The following MGLL variants were observed in gnomAD, a reference collection of about 807,000 sequenced individuals.
MGLL encodes lysophospholipase homolog.
A neutral mutation model predicts 29.1 loss-of-function variants in MGLL; 7 were observed. The ratio of observed to expected loss-of-function variants is 0.24; its 90% CI spans 0.14 to 0.45. The LOEUF (loss-of-function observed/expected upper bound fraction) is 0.45. MGLL is among the 20% of genes least tolerant of loss of function. MGLL has a pLI of 0.99. For synonymous variants in MGLL, 148 were observed against 168.3 expected, an observed-to-expected ratio of 0.88 and a Z score of 0.93; for missense variants, 356 against 413.6, an observed-to-expected ratio of 0.86 and a Z score of 1.21.
intron 5 of MGLL, among the ~76,000 whole-genome samples, chr3:127,714,480 A>C (rs890732636): frequency 6.6e-6 from 1 of 152,238 alleles, no homozygotes; most frequent in African/African-American, 2.4e-5. Flanking sequence ...AGCTTGTAAC[A>C]GTAAAACTCC....
At chr3:127,735,200 A>G (rs1407295162) in intron 3 of MGLL, among the ~76,000 whole-genome samples, 1 of 152,264 alleles carries the variant, frequency 6.6e-6, no homozygotes, top group Non-Finnish European at 1.5e-5. Context: ...TATATGCTAC[A>G]ACAGGAGGGA....
At chr3:127,735,262 G>C (rs567944430) in intron 3 of MGLL, among the ~76,000 whole-genome samples, 3 of 152,310 alleles carry the variant, frequency 2.0e-5, no homozygotes, top group African/African-American at 7.2e-5. Flanking sequence ...CGGTAAGGTT[G>C]AATTTCCTTA....
At chr3:127,775,465 T>C (rs747334498) in intron 3 of MGLL, among the ~76,000 whole-genome samples, 3 of 152,122 alleles carry the variant, frequency 2.0e-5, no homozygotes, top group Non-Finnish European at 2.9e-5. Flanking sequence ...TTATTCCCCC[T>C]GAATTTCCTA....
intron 2 of MGLL, among the ~76,000 whole-genome samples, chr3:127,796,818 G>T (rs925929514): frequency 1.3e-5 from 2 of 152,226 alleles, no homozygotes; most frequent in Non-Finnish European, 2.9e-5. Context: ...CCACAGCAAA[G>T]ATGTATTTCC....
chr3:127,768,057 G>T (rs1215307430), intron 3 of MGLL, among the ~76,000 whole-genome samples: 1 of 152,126 alleles, frequency 6.6e-6, no homozygotes, highest in Non-Finnish European at 1.5e-5. Context: ...TGATGTCTTG[G>T]ATGAAATCCA....
intron 3 of MGLL, among the ~76,000 whole-genome samples, chr3:127,749,902 C>G (rs549850489): frequency 6.6e-6 from 1 of 152,164 alleles, no homozygotes; most frequent in Non-Finnish European, 1.5e-5. Flanking sequence ...TCTGGGGACA[C>G]ATGTTCCTAG....
chr3:127,763,422 T>C (rs72626379), intron 3 of MGLL, among the ~76,000 whole-genome samples: 22,499 of 152,280 alleles, frequency 0.15, 1,770 homozygotes, highest in East Asian at 0.27. Flanking sequence ...CTGTACCCAG[T>C]TGCTGTGGTA....
At chr3:127,701,283 T>A (rs2075479676) in intron 6 of MGLL, among the ~76,000 whole-genome samples, 1 of 148,902 alleles carries the variant, frequency 6.7e-6, no homozygotes, top group South Asian at 2.1e-4. Context: ...GTCAATGTCC[T>A]GTGGAAGTTG....
Position 127,768,064 on chromosome 3 carries a change from T to A in MGLL, c.262+13725A>T, listed in dbSNP as rs1339124722. Among the ~76,000 whole-genome samples the A allele has an allele frequency of 3.3e-5, 5 of 152,152 alleles. No individual in the cohort carries two copies. The East Asian group carries it at 9.6e-4, about 29-fold the overall frequency. The stretch of plus-strand genomic sequence containing the variant: ...AATAAATTTGATGTCTTGGATGAAA[T>A]CCACAAACTCCTTGAAAAACACTAC... On this transcript the variant is annotated intron_variant, in intron 3 of 7. Coordinates refer to ENST00000265052, the MANE Select transcript of MGLL (RefSeq NM_007283.7).
intron 2 of MGLL, among the ~76,000 whole-genome samples, chr3:127,816,284 G>A (rs2077754061): frequency 6.6e-6 from 1 of 152,174 alleles, no homozygotes; most frequent in African/African-American, 2.4e-5. Flanking sequence ...ACCTGCAGAA[G>A]GTTTCCTGGA....
At chr3:127,746,612 C>T (rs2107662583) in intron 3 of MGLL, among the ~76,000 whole-genome samples, 1 of 152,268 alleles carries the variant, frequency 6.6e-6, no homozygotes, top group East Asian at 1.9e-4. Flanking sequence ...CCAACCTGGA[C>T]CTCTAGCTGC....
chr3:127,793,795 C>A (rs1286864790), intron 2 of MGLL, among the ~76,000 whole-genome samples: 1 of 152,168 alleles, frequency 6.6e-6, no homozygotes, highest in African/African-American at 2.4e-5. Context: ...CTCCTGACCT[C>A]AGGTGACCCA....
intron 2 of MGLL, among the ~76,000 whole-genome samples, chr3:127,813,813 C>T (rs1484883103): frequency 6.6e-6 from 1 of 152,094 alleles, no homozygotes; most frequent in Non-Finnish European, 1.5e-5. Flanking sequence ...ATGTCAAAAG[C>T]CCCACACTCT....
intron 2 of MGLL, chr3:127,783,652 T>C (rs1421661216): frequency 1.3e-5 from 2 of 152,262 alleles, no homozygotes; most frequent in Admixed American, 6.5e-5. Context: ...ACCTTTGCCA[T>C]CTGTCCTTTT....
chr3:127,808,050 A>G (rs1050523830), intron 2 of MGLL, among the ~76,000 whole-genome samples: 1 of 152,080 alleles, frequency 6.6e-6, no homozygotes, highest in Non-Finnish European at 1.5e-5. Context: ...GTGAGCCACC[A>G]TGCCTGGACG....
At chr3:127,785,917 C>T (rs988772485) in intron 2 of MGLL, among the ~76,000 whole-genome samples, 1 of 152,286 alleles carries the variant, frequency 6.6e-6, no homozygotes, top group Non-Finnish European at 1.5e-5. Flanking sequence ...TAGGGGAGCC[C>T]GACCTAGACT....
intron 1 of MGLL, 80 bp downstream of exon 1, chr3:127,822,229 G>T: frequency 6.7e-7 from 1 of 1,495,836 alleles, no homozygotes; most frequent in Non-Finnish European, 9.3e-7. Flanking sequence ...CCAAGGAACA[G>T]TTTCAAGTGG....
chr3:127,779,274 G>A (rs1049932524), intron 3 of MGLL, among the ~76,000 whole-genome samples: 1 of 152,170 alleles, frequency 6.6e-6, no homozygotes, highest in African/African-American at 2.4e-5. Context: ...GGCTAAGACA[G>A]GATAATCGCT....
intron 2 of MGLL, among the ~76,000 whole-genome samples, chr3:127,788,605 C>T (rs556582999): frequency 2.0e-5 from 3 of 152,284 alleles, no homozygotes; most frequent in East Asian, 3.9e-4. Context: ...CGTGTGGTTC[C>T]TCCACACCCC....
Sources: gnomAD v4.1 joint callset for allele counts (sites outside exome capture counted in the v4.1 genomes callset) on GRCh38, gnomAD v4.1.1 for gene constraint, MANE v1.5 for transcripts, NCBI Gene and HGNC (gene_info 2026-07-23, HGNC 2026-07-21) for gene names.